CNTN5: variants seen among roughly 807,000 people sequenced by gnomAD.
The protein encoded by CNTN5 is contactin 5, also known as contactin-5.
In CNTN5, 77 loss-of-function variants were observed where a neutral mutation model predicts 129.1. The observed-to-expected ratio is 0.60, with a 90% CI of 0.50 to 0.72. The LOEUF is 0.72. Among genes scored for constraint, CNTN5 ranks in the 30% least tolerant of loss-of-function variants. The probability of loss-of-function intolerance (pLI) is 0.00; values close to 1 mark genes in which losing one functional copy is unlikely to be tolerated. For synonymous variants in CNTN5, 509 were observed against 465.6 expected (o/e 1.09, Z -1.20); for missense variants, 1,478 against 1,328.8 (o/e 1.11, Z -1.75).
chr11:99,325,379 A>C lies in CNTN5; in HGVS notation c.-176A>C, dbSNP rs141096610. On this transcript the variant is annotated 5_prime_UTR_variant, in exon 2 of 25. Coordinates refer to ENST00000524871, the MANE Select transcript of CNTN5 (RefSeq NM_014361.4). Reference sequence around the variant, plus strand: ...AAAGGATTGCCATTTAATGCCATTCAAGATCTACTAAGCATCATTTTTGCA... The same window carrying C: ...AAAGGATTGCCATTTAATGCCATTCCAGATCTACTAAGCATCATTTTTGCA... 471 of 152,296 alleles carry C rather than the reference A, an allele frequency of 3.1e-3. 2 individuals are homozygous for C. Among genetic ancestry groups the C allele is most frequent in the African/African-American group, 0.011 (463 of 41,552 alleles). 9.4% of individuals were successfully genotyped at this position (152,296 alleles called of 1,614,324 possible).
chr11:100,046,638 A>C (rs1942691001), intron 9 of CNTN5, among the ~76,000 whole-genome samples: 1 of 152,172 alleles, frequency 6.6e-6, no homozygotes, highest in Admixed American at 6.5e-5. Context: ...GTATACATAT[A>C]AAACATATGT....
chr11:100,003,986 A>C (rs1319299189), intron 9 of CNTN5: 1 of 152,236 alleles, frequency 6.6e-6, no homozygotes, highest in Non-Finnish European at 1.5e-5. Context: ...AAGAAATAAC[A>C]TCTTGACATG....
At chr11:100,267,836 G>A (rs879267305) in intron 17 of CNTN5, among the ~76,000 whole-genome samples, 1 of 152,112 alleles carries the variant, frequency 6.6e-6, no homozygotes, top group Non-Finnish European at 1.5e-5. Context: ...AGACTTATGG[G>A]AGGGGTAAGT....
intron 3 of CNTN5, among the ~76,000 whole-genome samples, chr11:99,801,795 T>A (rs748378064): frequency 2.1e-4 from 32 of 152,316 alleles, no homozygotes; most frequent in Non-Finnish European, 4.0e-4. Flanking sequence ...TTTTTAAAGA[T>A]GTTTATCTCT....
At chr11:99,455,841 G>A (rs1944477569) in intron 2 of CNTN5, among the ~76,000 whole-genome samples, 1 of 152,076 alleles carries the variant, frequency 6.6e-6, no homozygotes, top group South Asian at 2.1e-4. Flanking sequence ...ATGTCATTTA[G>A]GCGTAATATT....
chr11:99,427,082 G>A (rs1943152372), intron 2 of CNTN5, among the ~76,000 whole-genome samples: 1 of 152,292 alleles, frequency 6.6e-6, no homozygotes, highest in East Asian at 1.9e-4. Context: ...AAAACCTTCT[G>A]CAGTGAGGTT....
intron 1 of CNTN5, among the ~76,000 whole-genome samples, chr11:99,163,494 TC>T (rs1860718912): frequency 6.6e-6 from 1 of 152,110 alleles, no homozygotes; most frequent in Non-Finnish European, 1.5e-5. Context: ...CAATTAACAC[TC>T]AATGAAATTA....
At chr11:99,328,794 C>T (rs1419558692) in intron 2 of CNTN5, among the ~76,000 whole-genome samples, 2 of 146,680 alleles carry the variant, frequency 1.4e-5, no homozygotes, top group African/African-American at 2.5e-5. Context: ...TGCTTGAACC[C>T]AGGAGGCGGA....
chr11:99,622,793 A>AT (rs1183344691), intron 3 of CNTN5, among the ~76,000 whole-genome samples: 6 of 151,394 alleles, frequency 4.0e-5, no homozygotes, highest in Non-Finnish European at 8.8e-5. Flanking sequence ...TTGTTAATTG[A>AT]TTTTTCCCCA....
chr11:99,472,511 T>C lies in CNTN5; in HGVS notation c.-70-83634T>C, dbSNP rs180906454. ...CTTAGTTCATTCTTTTGTAATTAGT[T>C]TTTCTGTCTGTTTGTTCAACACTTA... is the stretch of plus-strand genomic sequence containing the variant. On this transcript the variant is annotated intron_variant, in intron 2 of 24. Coordinates refer to ENST00000524871, the MANE Select transcript of CNTN5 (RefSeq NM_014361.4). Among the ~76,000 whole-genome samples, 409 of 152,312 alleles carry C rather than the reference T, an allele frequency of 2.7e-3. 2 individuals carry two copies. The highest frequency in any genetic ancestry group is 8.9e-3 in the African/African-American group (372 of 41,572).
intron 9 of CNTN5, among the ~76,000 whole-genome samples, chr11:100,056,259 T>C (rs906655659): frequency 2.0e-5 from 3 of 151,740 alleles, no homozygotes; most frequent in African/African-American, 4.8e-5. Context: ...TATTTTGTGA[T>C]TCTGGGATAA....
At chr11:99,639,223 G>C (rs1951676791) in intron 3 of CNTN5, among the ~76,000 whole-genome samples, 1 of 152,168 alleles carries the variant, frequency 6.6e-6, no homozygotes, top group South Asian at 2.1e-4. Flanking sequence ...ACCTGGAGTG[G>C]CTGGGACACA....
At chr11:99,981,263 G>T (rs1337768820) in intron 8 of CNTN5, among the ~76,000 whole-genome samples, 1 of 151,926 alleles carries the variant, frequency 6.6e-6, no homozygotes. Flanking sequence ...AACCCAGGAA[G>T]CTGATGGTGT....
At chr11:99,388,858 A>T (rs1412801574) in intron 2 of CNTN5, among the ~76,000 whole-genome samples, 1 of 152,146 alleles carries the variant, frequency 6.6e-6, no homozygotes, top group Non-Finnish European at 1.5e-5. Context: ...ACACAGACAC[A>T]CATACACAGT....
chr11:99,954,949 GT>G (rs1407465135), intron 7 of CNTN5, among the ~76,000 whole-genome samples: 1 of 152,036 alleles, frequency 6.6e-6, no homozygotes, highest in African/African-American at 2.4e-5. Context: ...TTGTGTAAAT[GT>G]TTTTCTCCTA....
At chr11:99,438,519 C>A (rs954290245) in intron 2 of CNTN5, among the ~76,000 whole-genome samples, 1 of 152,184 alleles carries the variant, frequency 6.6e-6, no homozygotes, top group East Asian at 1.9e-4. Flanking sequence ...TTCTTATTTT[C>A]TCCTATCTCT....
At chr11:100,017,971 T>G (rs952673742) in intron 9 of CNTN5, among the ~76,000 whole-genome samples, 3 of 152,004 alleles carry the variant, frequency 2.0e-5, no homozygotes. Context: ...CATTTGGTTA[T>G]TGTTTGACTT....
intron 15 of CNTN5, among the ~76,000 whole-genome samples, chr11:100,208,863 G>C (rs79534440): frequency 6.6e-6 from 1 of 152,146 alleles, no homozygotes; most frequent in Non-Finnish European, 1.5e-5. Flanking sequence ...TCTCAGTTGG[G>C]GTCATAAATG....
At chr11:100,315,963 T>C (rs1951565615) in intron 21 of CNTN5, among the ~76,000 whole-genome samples, 1 of 152,170 alleles carries the variant, frequency 6.6e-6, no homozygotes. Flanking sequence ...TGAATAACCA[T>C]GACTGTCCCA....
Sources: allele counts gnomAD v4.1 joint callset (sites outside exome capture counted in the v4.1 genomes callset), GRCh38; gene constraint gnomAD v4.1.1; transcripts MANE v1.5; gene names NCBI Gene and HGNC (gene_info 2026-07-23, HGNC 2026-07-21).